Variants in BICC1 observed in about 807,000 individuals in gnomAD.
BICC1 encodes the protein BicC family RNA binding protein 1, also known as protein bicaudal C homolog 1.
Under a neutral mutation model 111.0 loss-of-function variants are expected in BICC1, and 43 were observed. The observed-to-expected ratio is 0.39, with a 90% confidence interval of 0.30 to 0.50. The LOEUF (loss-of-function observed/expected upper bound fraction) is 0.50. Among genes scored for constraint, BICC1 ranks in the 20% least tolerant of loss-of-function variants. BICC1 has a pLI of 0.88. For missense variants in BICC1, 1,091 were observed against 1,203.2 expected (o/e 0.91, Z 1.38); for synonymous variants, 467 against 434.4 (o/e 1.07, Z -0.93).
intron 3 of BICC1, among the ~76,000 whole-genome samples, chr10:58,724,807 C>T (rs1841050757): frequency 1.3e-5 from 2 of 152,290 alleles, no homozygotes; most frequent in East Asian, 1.9e-4. Context: ...TTGAAACAGG[C>T]GCTGCACCTT....
chr10:58,743,777 C>CTT (rs5785345), intron 3 of BICC1, among the ~76,000 whole-genome samples: 2,002 of 143,704 alleles, frequency 0.014, 21 homozygotes, highest in Middle Eastern at 0.04. Flanking sequence ...GTTTTCTTTT[C>CTT]TTTTTTTTTT....
At chr10:58,543,440 C>T (rs557537275) in intron 1 of BICC1, among the ~76,000 whole-genome samples, 4 of 152,206 alleles carry the variant, frequency 2.6e-5, no homozygotes, top group South Asian at 4.2e-4. Context: ...TTTTTTACAA[C>T]AATGTGCATG....
chr10:58,625,578 A>G (rs1845964384), intron 2 of BICC1, among the ~76,000 whole-genome samples: 1 of 152,212 alleles, frequency 6.6e-6, no homozygotes. Flanking sequence ...TGGAAAACTG[A>G]CCTATAAACC....
At chr10:58,764,632 T>C (rs76926580) in intron 3 of BICC1, among the ~76,000 whole-genome samples, 3 of 139,834 alleles carry the variant, frequency 2.1e-5, no homozygotes, top group Non-Finnish European at 4.7e-5. Flanking sequence ...TTTCCTTCTT[T>C]TTTTTTTTTT....
rs574877699 is a variant in BICC1, at chr10:58,688,041, C to T, written c.238-14033C>T. Among the ~76,000 whole-genome samples the T allele has an allele frequency of 6.6e-5, 10 of 152,236 alleles. No homozygotes were observed. The South Asian group carries it at 1.0e-3, about 16-fold the overall frequency. On this transcript the variant is annotated intron_variant, in intron 2 of 20. Coordinates refer to ENST00000373886, the MANE Select transcript of BICC1 (RefSeq NM_001080512.3). Reference sequence around the variant, plus strand: ...CGCATACGTAGTTGTTTGTTCCTCCCGGTGGGTTCGTGGTCTTGCCGACTT... The same window carrying T: ...CGCATACGTAGTTGTTTGTTCCTCCTGGTGGGTTCGTGGTCTTGCCGACTT...
At chr10:58,786,554 A>G (rs561248011) in intron 4 of BICC1, among the ~76,000 whole-genome samples, 7 of 152,268 alleles carry the variant, frequency 4.6e-5, no homozygotes, top group African/African-American at 1.7e-4. Flanking sequence ...CAATCTTGTA[A>G]TTGTGTTTTC....
chr10:58,595,120 G>A (rs541620452), intron 1 of BICC1, among the ~76,000 whole-genome samples: 37 of 152,272 alleles, frequency 2.4e-4, no homozygotes, highest in Middle Eastern at 3.4e-3. Context: ...AACAAAGAAG[G>A]CCATTACATA....
intron 2 of BICC1, among the ~76,000 whole-genome samples, chr10:58,636,112 TG>T (rs5785334): frequency 6.6e-6 from 1 of 152,174 alleles, no homozygotes; most frequent in Admixed American, 6.5e-5. Flanking sequence ...GTGTATTTGG[TG>T]GGGTGAAGTA....
chr10:58,670,431 A>G (rs900452414), intron 2 of BICC1, among the ~76,000 whole-genome samples: 1 of 152,144 alleles, frequency 6.6e-6, no homozygotes, highest in Non-Finnish European at 1.5e-5. Flanking sequence ...ACGCCTTCCA[A>G]AAAACTCCAC....
At chr10:58,801,944 A>G (rs537459841) in intron 14 of BICC1, among the ~76,000 whole-genome samples, 17 of 152,322 alleles carry the variant, frequency 1.1e-4, no homozygotes. Flanking sequence ...ATAGATACGT[A>G]TTCTTGTCAT....
At chr10:58,564,869 AC>A (rs1843709384) in intron 1 of BICC1, among the ~76,000 whole-genome samples, 1 of 152,198 alleles carries the variant, frequency 6.6e-6, no homozygotes, top group Admixed American at 6.5e-5. Flanking sequence ...GAAATAATAT[AC>A]TTTTAGGCAT....
rs111278253 is a variant in BICC1 at position 58,563,267 on chromosome 10, C to T, written c.190+49934C>T. ...GCAGCAGCCTGGGTCCTGGGGGTTG[C>T]GGGGGAGACCCAGCATGAGTTTTCT... is the stretch of plus-strand genomic sequence containing the variant. On this transcript the variant is annotated intron_variant, in intron 1 of 20. Transcript: ENST00000373886. Among the ~76,000 whole-genome samples the T allele has an allele frequency of 6.1e-3, 932 of 152,176 alleles. 6 individuals carry two copies. The highest frequency in any genetic ancestry group is 0.037 in the Middle Eastern group (11 of 294).
chr10:58,806,464 T>C (rs1205427197), intron 15 of BICC1, 120 bp from the exon 16 acceptor site: 1 of 825,998 alleles, frequency 1.2e-6, no homozygotes, highest in African/African-American at 1.7e-5. Context: ...TGTGCAAAGC[T>C]TGGTGTATGT....
intron 2 of BICC1, among the ~76,000 whole-genome samples, chr10:58,678,762 C>T (rs1839423991): frequency 1.3e-5 from 2 of 152,152 alleles, no homozygotes; most frequent in Non-Finnish European, 2.9e-5. Context: ...CACACTTATT[C>T]TAAAACTGAC....
At chr10:58,769,301 CACACACAT>C (rs1488255470) in intron 3 of BICC1, among the ~76,000 whole-genome samples, 1,755 of 150,732 alleles carry the variant, frequency 0.012, 42 homozygotes, top group African/African-American at 0.04. Context: ...CACACACACA[CACACACAT>C]GCACACGCAC....
chr10:58,562,459 T>A (rs1843631803), intron 1 of BICC1, among the ~76,000 whole-genome samples: 1 of 152,038 alleles, frequency 6.6e-6, no homozygotes, highest in South Asian at 2.1e-4. Flanking sequence ...CCTCAATATT[T>A]CTGTTTTGTT....
Position 58,740,390 on chromosome 10 carries a change from C to T in BICC1, c.307+38247C>T, listed in dbSNP as rs544829920. 2.0e-5 allele frequency among the ~76,000 whole-genome samples: 3 copies of T among 152,238 alleles called. No homozygotes were observed. The South Asian group carries it at 6.2e-4, about 32-fold the overall frequency. Reference sequence around the variant, plus strand: ...GGTTTTGTGCTGTTCCCTGAAACTCCTTTGACATTTAAAAGTTGTCAAGAC... The same window carrying T: ...GGTTTTGTGCTGTTCCCTGAAACTCTTTTGACATTTAAAAGTTGTCAAGAC... On this transcript the variant is annotated intron_variant, in intron 3 of 20. Transcript: ENST00000373886.
At chr10:58,719,512 C>T (rs1840871238) in intron 3 of BICC1, among the ~76,000 whole-genome samples, 1 of 146,832 alleles carries the variant, frequency 6.8e-6, no homozygotes, top group African/African-American at 2.5e-5. Context: ...GGGCACTTTT[C>T]TTTTTTTTTT....
rs1227703171 is a variant in BICC1 at position 58,788,378 on chromosome 10, A to C, written c.555A>C (p.Ile185=). 6.2e-7 allele frequency: 1 copy of C among 1,609,652 alleles called. No individual in the cohort carries two copies. Among genetic ancestry groups the C allele is most frequent in the Middle Eastern group, 1.7e-4 (1 of 6,050 alleles). Residue 185 remains isoleucine, a synonymous_variant, in exon 6 of 21, where the codon ATA becomes ATC. Transcript: ENST00000373886. ...TTTTCCTCCTCTTATAGGTATCTAT[A>C]GCGGGACAACCAGCAGGAGTAGAAT... The part of the protein sequence containing the change: ...NQAEKSNQVS[I]AGQPAGVESA...
Sources: gnomAD v4.1 joint callset for allele counts (sites outside exome capture counted in the v4.1 genomes callset) on GRCh38, gnomAD v4.1.1 for gene constraint, MANE v1.5 for transcripts, NCBI Gene and HGNC (gene_info 2026-07-23, HGNC 2026-07-21) for gene names.